Variants in MYLK4 observed in about 807,000 individuals in gnomAD.
MYLK4 encodes caMLCK like.
In MYLK4, 46 loss-of-function variants were observed where a neutral mutation model predicts 48.1. That is an observed-to-expected ratio of 0.96 (90% CI 0.75 to 1.22). The LOEUF is 1.22. Ranked by LOEUF, MYLK4 falls within the 50% of genes most tolerant of loss-of-function variation. The pLI is 0.00. For synonymous variants in MYLK4, 170 were observed against 180.8 expected (o/e 0.94, Z 0.48); for missense variants, 451 against 486.1 (o/e 0.93, Z 0.68).
At chr6:2,695,616 A>C (rs924993158) in intron 2 of MYLK4, among the ~76,000 whole-genome samples, 3 of 152,212 alleles carry the variant, frequency 2.0e-5, no homozygotes, top group Non-Finnish European at 4.4e-5. Flanking sequence ...TTCATTGCCA[A>C]AGGCTGTTAT....
At chr6:2,761,804 A>G in the MYLK4 span, among the ~76,000 whole-genome samples, 1 of 152,018 alleles carries the variant, frequency 6.6e-6, no homozygotes, top group East Asian at 1.9e-4. Flanking sequence ...GGAGACATGC[A>G]CACACACACA....
At chr6:2,765,543 C>T in the MYLK4 span, 4 of 1,351,686 alleles carry the variant, frequency 3.0e-6, no homozygotes, top group Non-Finnish European at 3.8e-6. Context: ...GGCGCGGGGC[C>T]TAGCGGAGGG....
chr6:2,752,323 T>C (rs538888245), upstream of MYLK4, among the ~76,000 whole-genome samples: 1 of 152,344 alleles, frequency 6.6e-6, no homozygotes, highest in African/African-American at 2.4e-5. Context: ...TGGTATGGTA[T>C]ACTTGTCACA....
intron 2 of MYLK4, among the ~76,000 whole-genome samples, chr6:2,702,257 G>C (rs371680403): frequency 1.1e-4 from 16 of 152,298 alleles, no homozygotes; most frequent in African/African-American, 3.8e-4. Flanking sequence ...GCAACATTAA[G>C]GCCCAAAGAC....
At chr6:2,752,633 C>T (rs370441099), upstream of MYLK4, among the ~76,000 whole-genome samples, 95 of 152,152 alleles carry the variant, frequency 6.2e-4, 1 homozygote, top group South Asian at 9.8e-3. Flanking sequence ...TTTGGCAAGT[C>T]CATTAAACGT....
At chr6:2,689,415 G>T (rs1285479092) in intron 3 of MYLK4, among the ~76,000 whole-genome samples, 1 of 152,142 alleles carries the variant, frequency 6.6e-6, no homozygotes, top group Non-Finnish European at 1.5e-5. Context: ...TGAAATGCTT[G>T]ATATTATATA....
chr6:2,727,998 C>T lies in MYLK4; in HGVS notation c.159+21138G>A, dbSNP rs146266015. ...TCATTTACTTAGGGCTTACAGTAGC[C>T]CTGGTATAGCCCTTATTTAATGCTC... On this transcript the variant is annotated intron_variant, in intron 2 of 12. Coordinates refer to ENST00000274643, the MANE Select transcript of MYLK4 (RefSeq NM_001012418.5). Among the ~76,000 whole-genome samples the T allele has an allele frequency of 4.0e-4, 61 of 152,056 alleles. No individual in the cohort carries two copies. In the East Asian group the frequency reaches 0.011, roughly 28 times the overall value.
At chr6:2,681,096 T>C (rs1028744844) in intron 7 of MYLK4, among the ~76,000 whole-genome samples, 8 of 152,094 alleles carry the variant, frequency 5.3e-5, no homozygotes, top group Non-Finnish European at 7.4e-5. Context: ...GTCAAGGCCA[T>C]TTATAAAAGA....
chr6:2,765,043 C>G, the MYLK4 span, among the ~76,000 whole-genome samples: 1 of 152,142 alleles, frequency 6.6e-6, no homozygotes, highest in African/African-American at 2.4e-5. Flanking sequence ...CACGGAAGGC[C>G]GGGAAAGCGG....
the MYLK4 span, among the ~76,000 whole-genome samples, chr6:2,762,663 T>C: frequency 2.3e-3 from 353 of 152,264 alleles, no homozygotes; most frequent in Non-Finnish European, 3.8e-3. Context: ...AGTCAATGAG[T>C]TTTTACTCTC....
chr6:2,762,847 T>C, the MYLK4 span, among the ~76,000 whole-genome samples: 1 of 152,152 alleles, frequency 6.6e-6, no homozygotes, highest in Non-Finnish European at 1.5e-5. Context: ...AAGTTAGCCG[T>C]TCCTGCCAGT....
intron 2 of MYLK4, among the ~76,000 whole-genome samples, chr6:2,698,048 G>A (rs374158559): frequency 4.5e-4 from 68 of 152,328 alleles, no homozygotes; most frequent in African/African-American, 1.6e-3. Context: ...CATAGCCGAT[G>A]GCCAGCAATA....
Position 2,679,368 on chromosome 6 carries a change from G to A in MYLK4, c.799C>T (p.Pro267Ser), listed in dbSNP as rs1442994593. 1.2e-6 allele frequency: 2 copies of A among 1,613,978 alleles called. No homozygotes were observed. Among genetic ancestry groups the A allele is most frequent in the Admixed American group, 1.7e-5 (1 of 59,996 alleles). The part of the protein sequence containing the change: ...REKLKVNFGT[P>S]EFLAPEVVNY... ...ACAACTTCAGGGGCGAGAAATTCTGGGGTTCCAAAGTTCACCTTCAGCTTC... is the reference window on the plus strand; with the variant it reads ...ACAACTTCAGGGGCGAGAAATTCTGAGGTTCCAAAGTTCACCTTCAGCTTC... The change falls in exon 9 of 13, where the codon CCA becomes TCA. Residue 267 changes from proline to serine, a missense_variant. Physicochemically the swap from Pro to Ser is moderately conservative, Grantham distance 74. Transcript: ENST00000274643.
In MYLK4 at chr6:2,709,900, A is replaced by T. The variant is rs182696614; in HGVS notation, c.160-17041T>A. 2.0e-3 allele frequency among the ~76,000 whole-genome samples: 304 copies of T among 152,320 alleles called. 1 individual carries two copies. Among genetic ancestry groups the T allele is most frequent in the African/African-American group, 7.0e-3 (289 of 41,568 alleles). On this transcript the variant is annotated intron_variant, in intron 2 of 12. Transcript: ENST00000274643. ...AACCCAAAATACTGTCTCTGTCCCC[A>T]AGAAACTAACAGTCAGGAGCTGAAA...
intron 2 of MYLK4, among the ~76,000 whole-genome samples, chr6:2,713,374 CAAAAAAAA>C (rs1224201871): frequency 6.6e-5 from 3 of 45,748 alleles, no homozygotes; most frequent in Non-Finnish European, 1.4e-4. Flanking sequence ...AACTCCGTCT[CAAAAAAAA>C]AAAAAGAAAA....
chr6:2,751,974 G>A (rs1436455615), upstream of MYLK4, among the ~76,000 whole-genome samples: 1 of 152,206 alleles, frequency 6.6e-6, no homozygotes, highest in Non-Finnish European at 1.5e-5. Context: ...AAGCTGGTTT[G>A]AGGTTACCAA....
chr6:2,681,493 T>A (rs182319864), intron 7 of MYLK4, among the ~76,000 whole-genome samples: 12 of 152,226 alleles, frequency 7.9e-5, no homozygotes, highest in Admixed American at 7.2e-4. Context: ...TGTGAAGGAG[T>A]ACTGTGGCAT....
chr6:2,751,737 T>TA (rs940971855), upstream of MYLK4, among the ~76,000 whole-genome samples: 85 of 149,342 alleles, frequency 5.7e-4, 1 homozygote, highest in East Asian at 1.4e-3. Flanking sequence ...CTGCTTCTTT[T>TA]AAAAAAAAAA....
the MYLK4 span, among the ~76,000 whole-genome samples, chr6:2,761,278 G>T: frequency 6.6e-6 from 1 of 152,002 alleles, no homozygotes; most frequent in East Asian, 1.9e-4. Flanking sequence ...AAACAGTGAG[G>T]TATTAAAGGA....
Sources: allele counts gnomAD v4.1 joint callset (sites outside exome capture counted in the v4.1 genomes callset), GRCh38; gene constraint gnomAD v4.1.1; transcripts MANE v1.5; gene names NCBI Gene and HGNC (gene_info 2026-07-23, HGNC 2026-07-21).